Variants in CREBBP observed in about 807,000 individuals in gnomAD.
CREBBP encodes the protein CREB-binding protein.
CREBBP carries 19 observed loss-of-function variants against 265.0 expected under a neutral mutation model. That is an observed-to-expected ratio of 0.07 (90% CI 0.05 to 0.11). CREBBP has a LOEUF of 0.11. Among genes scored for constraint, CREBBP ranks in the 10% least tolerant of loss-of-function variants. The probability of loss-of-function intolerance (pLI) is 1.00; values close to 1 mark genes in which losing one functional copy is unlikely to be tolerated. For synonymous variants in CREBBP, 1,457 were observed against 1,223.7 expected (o/e 1.19, Z -3.98); for missense variants, 2,525 against 3,219.0 (o/e 0.78, Z 5.22).
At position 3,768,010 on chromosome 16, in the gene CREBBP, AC is replaced by A; in HGVS notation, c.3061-102del. 8.4e-6 allele frequency: 9 copies of A among 1,074,520 alleles called. No individual in the cohort carries two copies. The South Asian group carries it at 1.0e-4, about 12-fold the overall frequency. The allele number at this position is 1,074,520 out of a possible 1,614,324, so 66.6% of individuals were successfully genotyped here. A position where few individuals can be genotyped will look rare whatever the true frequency, so the allele number is the denominator to read the frequency against. On this transcript the variant is annotated intron_variant, in intron 15 of 30. Coordinates refer to ENST00000262367, the MANE Select transcript of CREBBP (RefSeq NM_004380.3). ...ACAAGCCTAAAACAGGTTTGTTAAA[AC>A]CTTCCTCTAGTCAGAGTTGCATTTA...
chr16:3,845,886 CAAAAAA>C (rs58655991), intron 2 of CREBBP, among the ~76,000 whole-genome samples: 1 of 73,514 alleles, frequency 1.4e-5, no homozygotes, highest in Non-Finnish European at 2.8e-5. Context: ...GACCCTATCT[CAAAAAA>C]AAAAAAAAAA....
rs1023894522 is a variant in CREBBP, at chr16:3,765,235, G to A, written c.3250+2485C>T. On this transcript the variant is annotated intron_variant, in intron 16 of 30. Transcript: ENST00000262367. Reference sequence around the variant, plus strand: ...TCGTGATCTGCCTGCCTTGGCCTCCGAAAGTGCGGGGATTACAGGTGTGAG... The same window carrying A: ...TCGTGATCTGCCTGCCTTGGCCTCCAAAAGTGCGGGGATTACAGGTGTGAG... 3.9e-5 allele frequency among the ~76,000 whole-genome samples: 6 copies of A among 152,290 alleles called. No homozygotes were observed. The East Asian group carries it at 5.8e-4, about 15-fold the overall frequency.
rs748688552 is a variant in CREBBP, at chr16:3,728,061, T to C, written c.6986A>G (p.His2329Arg). Residue 2329 changes from histidine to arginine, a missense_variant, in exon 31 of 31, where the codon CAT (histidine) becomes CGT (arginine). Around this residue, in one of 19 missense-constraint regions of CREBBP, gnomAD observed 473 missense variants for 459.3 expected, o/e 1.03. Transcript: ENST00000262367. This position sits in a 1 kb window ranked among gnomAD's most constrained non-coding sequence, Gnocchi z 8.7. The stretch of plus-strand genomic sequence containing the variant: ...CGTGGCGATCTGCTGGCCAGGGAGA[T>C]GCGAGGCCTGTGGCTGTCCTGAGAG... ...HMLSGQPQAS[H>R]LPGQQIATSL... 6.2e-7 allele frequency: 1 copy of C among 1,613,722 alleles called. No individual in the cohort carries two copies. Among genetic ancestry groups the C allele is most frequent in the Non-Finnish European group, 8.5e-7 (1 of 1,179,686 alleles).
At chr16:3,774,114 T>C (rs2053080801) in intron 12 of CREBBP, among the ~76,000 whole-genome samples, 184 bp from the exon 13 acceptor site, 2 of 152,314 alleles carry the variant, frequency 1.3e-5, no homozygotes, top group South Asian at 4.1e-4. Flanking sequence ...CTGGGCACCT[T>C]ACACACTTTC....
intron 16 of CREBBP, among the ~76,000 whole-genome samples, chr16:3,765,433 G>A (rs1193990527): frequency 1.3e-5 from 2 of 152,186 alleles, no homozygotes; most frequent in Non-Finnish European, 2.9e-5. Context: ...TGCCCTCGTG[G>A]AGCACATTAA....
intron 5 of CREBBP, among the ~76,000 whole-genome samples, chr16:3,790,967 G>C (rs938986329): frequency 6.6e-6 from 1 of 152,178 alleles, no homozygotes; most frequent in Admixed American, 6.5e-5. Context: ...GGCAGCTGCG[G>C]GGTCTTGAGG....
chr16:3,867,870 G>A (rs1009495740), intron 1 of CREBBP, among the ~76,000 whole-genome samples: 13 of 151,982 alleles, frequency 8.6e-5, no homozygotes, highest in Admixed American at 7.2e-4. Flanking sequence ...ACATTGCAGT[G>A]AGCTGTGATC....
intron 2 of CREBBP, among the ~76,000 whole-genome samples, chr16:3,826,051 A>G (rs1370225595): frequency 6.6e-6 from 1 of 152,214 alleles, no homozygotes; most frequent in African/African-American, 2.4e-5. Context: ...GCAAATCTCC[A>G]TCTCTACAAA....
At chr16:3,732,470 G>A (rs75401475) in intron 28 of CREBBP, among the ~76,000 whole-genome samples, 2 of 152,134 alleles carry the variant, frequency 1.3e-5, no homozygotes, top group East Asian at 1.9e-4. Flanking sequence ...TCAGTGCTGC[G>A]CCTGACTGGC....
chr16:3,767,954 T>C (rs750126564), intron 15 of CREBBP, 45 bp from the exon 16 acceptor site: 2 of 1,583,670 alleles, frequency 1.3e-6, no homozygotes, highest in Non-Finnish European at 1.7e-6. Context: ...CAAACACCTT[T>C]ATGTTACCGC....
chr16:3,729,997 AC>A, intron 30 of CREBBP, 123 bp from the exon 31 acceptor site: 1 of 1,499,996 alleles, frequency 6.7e-7, no homozygotes, highest in Non-Finnish European at 9.0e-7. Context: ...AGGATAGGAG[AC>A]CCAGACAGGA....
intron 2 of CREBBP, among the ~76,000 whole-genome samples, chr16:3,831,558 A>C (rs1356899625): frequency 6.6e-6 from 1 of 152,224 alleles, no homozygotes; most frequent in Non-Finnish European, 1.5e-5. Context: ...AATAAATGAC[A>C]TAGAAAACAA....
chr16:3,756,255 C>T (rs1484896537), intron 19 of CREBBP, among the ~76,000 whole-genome samples: 1 of 152,198 alleles, frequency 6.6e-6, no homozygotes, highest in Non-Finnish European at 1.5e-5. Flanking sequence ...CACAGAGAAT[C>T]CAGCTGCTGG....
chr16:3,849,443 G>GAGA (rs2054765033), intron 2 of CREBBP, among the ~76,000 whole-genome samples: 1 of 20,022 alleles, frequency 5.0e-5, no homozygotes, highest in African/African-American at 8.8e-5. Flanking sequence ...GTGTGTGTGT[G>GAGA]TGTGTGTGTG....
intron 2 of CREBBP, among the ~76,000 whole-genome samples, chr16:3,816,606 A>G (rs1208422342): frequency 1.3e-5 from 2 of 152,216 alleles, no homozygotes; most frequent in Admixed American, 6.5e-5. Context: ...CATGATCAAC[A>G]AAGAGGAGGG....
intron 16 of CREBBP, among the ~76,000 whole-genome samples, chr16:3,762,659 C>T (rs550657873): frequency 1.6e-4 from 24 of 152,278 alleles, no homozygotes; most frequent in Middle Eastern, 3.4e-3. Flanking sequence ...ACGCGGCTCT[C>T]GAGCCCTTGG....
At chr16:3,806,616 C>G (rs577609451) in intron 3 of CREBBP, among the ~76,000 whole-genome samples, 2 of 152,130 alleles carry the variant, frequency 1.3e-5, no homozygotes, top group Non-Finnish European at 2.9e-5. Flanking sequence ...TCAGAAAGCC[C>G]AATCCAAAGC....
intron 3 of CREBBP, among the ~76,000 whole-genome samples, chr16:3,797,762 C>T (rs1005256741): frequency 6.6e-6 from 1 of 151,240 alleles, no homozygotes; most frequent in Non-Finnish European, 1.5e-5. Flanking sequence ...TGATCCTTAT[C>T]TTCCCTTTTA....
At chr16:3,871,742 T>C (rs2055304017) in intron 1 of CREBBP, among the ~76,000 whole-genome samples, 1 of 152,228 alleles carries the variant, frequency 6.6e-6, no homozygotes, top group Non-Finnish European at 1.5e-5. Flanking sequence ...TTGTGAATTA[T>C]AAAAAGATTT....
Sources: allele counts gnomAD v4.1 joint callset (sites outside exome capture counted in the v4.1 genomes callset), GRCh38; gene constraint gnomAD v4.1.1; regional missense constraint gnomAD v4.1.1; non-coding constraint Gnocchi (gnomAD v3.1); transcripts MANE v1.5; gene names NCBI Gene and HGNC (gene_info 2026-07-23, HGNC 2026-07-21).